SAMD5: variants seen among roughly 807,000 people sequenced by gnomAD.
SAMD5 encodes sterile alpha motif domain containing 5.
SAMD5 carries 13 observed loss-of-function variants against 11.3 expected under a neutral mutation model. The ratio of observed to expected loss-of-function variants is 1.15; its 90% CI spans 0.75 to 1.83. SAMD5 has a LOEUF of 1.83. Among genes scored for constraint, SAMD5 ranks in the 40% most tolerant of loss-of-function variants. The probability of loss-of-function intolerance (pLI) is 0.00; values close to 1 mark genes in which losing one functional copy is unlikely to be tolerated. For missense variants in SAMD5, 255 were observed against 239.1 expected (o/e 1.07, Z -0.44); for synonymous variants, 129 against 111.3 (o/e 1.16, Z -1.00).
At chr6:147,798,492 GTGGTCAATTT>G in the SAMD5 span, among the ~76,000 whole-genome samples, 1 of 149,824 alleles carries the variant, frequency 6.7e-6, no homozygotes, top group African/African-American at 2.5e-5. Context: ...TTCCAAGTAT[GTGGTCAATTT>G]TGGAATAGGT....
At chr6:147,883,560 T>C in the SAMD5 span, among the ~76,000 whole-genome samples, 1 of 152,232 alleles carries the variant, frequency 6.6e-6, no homozygotes. Context: ...CCTTTCTATT[T>C]CTTTTTCCTT....
chr6:147,626,516 T>A (rs1790052801), intron 1 of SAMD5, among the ~76,000 whole-genome samples: 3 of 152,030 alleles, frequency 2.0e-5, no homozygotes, highest in Admixed American at 2.0e-4. Flanking sequence ...ACTAGTGTGA[T>A]TTTTATGCCA....
chr6:147,795,415 A>G, the SAMD5 span, among the ~76,000 whole-genome samples: 1 of 139,986 alleles, frequency 7.1e-6, no homozygotes, highest in Non-Finnish European at 1.5e-5. Flanking sequence ...TTATGGCTGC[A>G]TAGTATTCCA....
chr6:147,643,889 A>AGAATGTCCTAAGGTAAAGAAGAGTCG (rs1373169389), intron 1 of SAMD5, among the ~76,000 whole-genome samples: 1 of 152,156 alleles, frequency 6.6e-6, no homozygotes, highest in African/African-American at 2.4e-5. Context: ...AAAGAAAGAA[A>AGAATGTCCTAAGGTAAAGAAGAGTCG]TGATAAGTTC....
At chr6:147,606,399 T>C (rs1179173480) in intron 1 of SAMD5, among the ~76,000 whole-genome samples, 1 of 151,274 alleles carries the variant, frequency 6.6e-6, no homozygotes, top group South Asian at 2.1e-4. Context: ...TAAATAAAAC[T>C]AAACAGAACA....
In SAMD5 at chr6:147,514,691, G is replaced by T. The variant is rs577716222; in HGVS notation, c.459+5304G>T. Among the ~76,000 whole-genome samples, 5 of 152,216 alleles carry T rather than the reference G, an allele frequency of 3.3e-5. No individual in the cohort carries two copies. The South Asian group carries it at 1.0e-3, about 32-fold the overall frequency. ...AAAGGCAGGCTCTAGGGTAAATAGT[G>T]TGGGGGAGGCATCTAGATTTTTTCA... On this transcript the variant is annotated intron_variant, in intron 1 of 1. Transcript: ENST00000367474.
At chr6:147,792,161 G>T in the SAMD5 span, among the ~76,000 whole-genome samples, 2 of 152,144 alleles carry the variant, frequency 1.3e-5, no homozygotes, top group African/African-American at 4.8e-5. Context: ...TACTGAAGGG[G>T]GTGGGGAGAC....
the SAMD5 span, among the ~76,000 whole-genome samples, chr6:147,885,310 T>A: frequency 5.3e-5 from 8 of 152,156 alleles, no homozygotes; most frequent in Non-Finnish European, 1.0e-4. Flanking sequence ...ACAACAATTT[T>A]TTTTAAGTTT....
the SAMD5 span, among the ~76,000 whole-genome samples, chr6:147,954,326 C>T: frequency 2.0e-5 from 3 of 152,134 alleles, no homozygotes; most frequent in Admixed American, 6.6e-5. Flanking sequence ...GTTGAGATAA[C>T]GTCATGGGGT....
At chr6:147,781,436 T>C in the SAMD5 span, among the ~76,000 whole-genome samples, 2 of 152,190 alleles carry the variant, frequency 1.3e-5, no homozygotes, top group Non-Finnish European at 2.9e-5. Context: ...CTGTTTTACT[T>C]AAATCTAGGT....
chr6:147,768,568 C>T, the SAMD5 span, among the ~76,000 whole-genome samples: 1 of 151,930 alleles, frequency 6.6e-6, no homozygotes. Context: ...ACAATAATAA[C>T]AATAATGGTA....
chr6:147,637,115 G>C (rs1790241870), intron 1 of SAMD5, among the ~76,000 whole-genome samples: 2 of 152,130 alleles, frequency 1.3e-5, no homozygotes, highest in Non-Finnish European at 2.9e-5. Context: ...GCACAGAATA[G>C]CCCAAGTGTT....
intron 1 of SAMD5, among the ~76,000 whole-genome samples, chr6:147,645,852 G>A (rs543741496): frequency 6.6e-6 from 1 of 152,264 alleles, no homozygotes; most frequent in South Asian, 2.1e-4. Context: ...CAGGTTTTTA[G>A]GTGAAACTTT....
chr6:147,570,270 C>G (rs749203405), downstream of SAMD5, among the ~76,000 whole-genome samples: 4 of 152,154 alleles, frequency 2.6e-5, no homozygotes, highest in African/African-American at 7.2e-5. Flanking sequence ...GTCGCCTTCT[C>G]TTGTGTGATT....
the SAMD5 span, among the ~76,000 whole-genome samples, chr6:147,951,405 A>AT: frequency 6.6e-6 from 1 of 151,694 alleles, no homozygotes; most frequent in African/African-American, 2.4e-5. Context: ...TGGTTTCGAT[A>AT]TCCTGGCCTC....
At chr6:147,745,784 T>C in the SAMD5 span, among the ~76,000 whole-genome samples, 2 of 145,450 alleles carry the variant, frequency 1.4e-5, no homozygotes, top group African/African-American at 5.2e-5. Context: ...TTTCTTTTTT[T>C]TTTTTTTTTT....
chr6:147,609,234 T>C (rs929679224), intron 1 of SAMD5, among the ~76,000 whole-genome samples: 2 of 152,150 alleles, frequency 1.3e-5, no homozygotes, highest in African/African-American at 4.8e-5. Flanking sequence ...ATATGACTTG[T>C]GTCCTCATAA....
chr6:147,542,853 G>T (rs1355548114), intron 1 of SAMD5, among the ~76,000 whole-genome samples: 1 of 152,124 alleles, frequency 6.6e-6, no homozygotes, highest in Non-Finnish European at 1.5e-5. Flanking sequence ...CTTGGGAAAG[G>T]GCTGTTACTG....
At chr6:147,873,464 G>C in the SAMD5 span, among the ~76,000 whole-genome samples, 3 of 151,868 alleles carry the variant, frequency 2.0e-5, no homozygotes, top group Non-Finnish European at 1.5e-5. Flanking sequence ...CAATAGTCTA[G>C]GGTTTAAAAA....
Sources: gnomAD v4.1 joint callset for allele counts (sites outside exome capture counted in the v4.1 genomes callset) on GRCh38, gnomAD v4.1.1 for gene constraint, MANE v1.5 for transcripts, NCBI Gene and HGNC (gene_info 2026-07-23, HGNC 2026-07-21) for gene names.